Variants in DOCK5 observed in about 807,000 individuals in gnomAD.
DOCK5 encodes the protein dedicator of cytokinesis protein 5.
Under a neutral mutation model 251.8 loss-of-function variants are expected in DOCK5, and 142 were observed. The observed-to-expected ratio is 0.56, with a 90% CI of 0.49 to 0.65. The LOEUF (loss-of-function observed/expected upper bound fraction) is 0.65. DOCK5 is among the 30% of genes least tolerant of loss of function. The pLI is 0.00. For missense variants in DOCK5, 2,111 were observed against 2,312.3 expected, an observed-to-expected ratio of 0.91 and a Z score of 1.79; for synonymous variants, 842 against 835.5, an observed-to-expected ratio of 1.01 and a Z score of -0.13.
intron 18 of DOCK5, among the ~76,000 whole-genome samples, chr8:25,331,230 G>GACACACACACAC (rs60869427): frequency 2.1e-5 from 3 of 140,264 alleles, no homozygotes; most frequent in African/African-American, 5.3e-5. Context: ...GTTTCTCTGT[G>GACACACACACAC]ACACACACAC....
intron 1 of DOCK5, among the ~76,000 whole-genome samples, chr8:25,233,899 A>G (rs1387686374): frequency 6.6e-6 from 1 of 152,188 alleles, no homozygotes; most frequent in African/African-American, 2.4e-5. Context: ...ACACACACCT[A>G]TGTACACATG....
At chr8:25,308,205 A>G (rs939410754) in intron 11 of DOCK5, among the ~76,000 whole-genome samples, 2 of 152,106 alleles carry the variant, frequency 1.3e-5, no homozygotes, top group Admixed American at 1.3e-4. Flanking sequence ...AAGGTCACTC[A>G]AGTGGAGCTT....
At chr8:25,356,514 A>G (rs1800571925) in intron 27 of DOCK5, among the ~76,000 whole-genome samples, 1 of 151,884 alleles carries the variant, frequency 6.6e-6, no homozygotes, top group Admixed American at 6.6e-5. Context: ...AAAATACACA[A>G]AAATTAGCCA....
chr8:25,342,704 T>TTG (rs1192015498), intron 25 of DOCK5, among the ~76,000 whole-genome samples, 197 bp downstream of exon 25: 2 of 121,828 alleles, frequency 1.6e-5, no homozygotes, highest in African/African-American at 6.1e-5. Context: ...TTTTTTTTTT[T>TTG]TTTTTTTTTT....
intron 42 of DOCK5, among the ~76,000 whole-genome samples, chr8:25,390,597 T>G (rs1235707916): frequency 1.3e-5 from 2 of 152,266 alleles, no homozygotes; most frequent in East Asian, 3.9e-4. Flanking sequence ...GGGTTTTGGT[T>G]TTTTTAGGCA....
At chr8:25,330,784 C>T (rs1351535756) in intron 18 of DOCK5, among the ~76,000 whole-genome samples, 1 of 152,142 alleles carries the variant, frequency 6.6e-6, no homozygotes. Flanking sequence ...CAGCCGGGCG[C>T]AGTGGCTCAC....
rs1398579638 is a variant in DOCK5 at position 25,368,239 on chromosome 8, G to A, written c.3272G>A (p.Trp1091Ter). Residue 1091 changes from tryptophan to a stop codon, truncating the protein, a stop_gained, in exon 32 of 52, where the codon TGG becomes TAG. Coordinates refer to ENST00000276440, the MANE Select transcript of DOCK5 (RefSeq NM_024940.8). LOFTEE classifies it high-confidence loss of function. The part of the protein sequence containing the change: ...KEIGFRIRDM[W>*]YNLGPHKIKF... ...ATCGGCTTTAGAATCCGGGACATGTGGTATAACCTGGGTGAGTGTCTAGCC... is the reference window on the plus strand; with the variant it reads ...ATCGGCTTTAGAATCCGGGACATGTAGTATAACCTGGGTGAGTGTCTAGCC... 6.2e-7 allele frequency: 1 copy of A among 1,612,434 alleles called. No individual in the cohort carries two copies. The highest frequency in any genetic ancestry group is 8.5e-7 in the Non-Finnish European group (1 of 1,179,238).
intron 26 of DOCK5, among the ~76,000 whole-genome samples, chr8:25,350,088 T>C (rs1490002890): frequency 6.6e-6 from 1 of 152,170 alleles, no homozygotes; most frequent in Non-Finnish European, 1.5e-5. Context: ...GAGCAAGTTC[T>C]GGGAATCTAA....
intron 45 of DOCK5, among the ~76,000 whole-genome samples, chr8:25,397,889 A>G (rs1273696366): frequency 6.6e-6 from 1 of 152,258 alleles, no homozygotes; most frequent in Non-Finnish European, 1.5e-5. Context: ...ATACTAATGT[A>G]TTCATTTAGT....
At chr8:25,296,190 A>G (rs1326764838) in intron 6 of DOCK5, among the ~76,000 whole-genome samples, 1 of 152,202 alleles carries the variant, frequency 6.6e-6, no homozygotes, top group African/African-American at 2.4e-5. Context: ...GTTCCTCTTC[A>G]TAATAACAGA....
intron 1 of DOCK5, among the ~76,000 whole-genome samples, chr8:25,204,179 T>C (rs2117466745): frequency 6.6e-6 from 1 of 152,352 alleles, no homozygotes; most frequent in Admixed American, 6.5e-5. Flanking sequence ...ATAGACTTCA[T>C]AGAAGTAACT....
intron 13 of DOCK5, 41 bp downstream of exon 13, chr8:25,310,573 T>A: frequency 6.4e-7 from 1 of 1,553,850 alleles, no homozygotes; most frequent in Non-Finnish European, 8.7e-7. Flanking sequence ...TTCCTCCTGT[T>A]CAGCGATTAT....
Position 25,366,590 on chromosome 8 carries a change from G to A in DOCK5, c.3124-280G>A, listed in dbSNP as rs1409452820. On this transcript the variant is annotated intron_variant, in intron 30 of 51. Transcript: ENST00000276440. The stretch of plus-strand genomic sequence containing the variant: ...ACTTTTAGGACTTTTGAAACATAGT[G>A]CCAAAGTACATACTATAAATAGATA... 3.3e-5 allele frequency among the ~76,000 whole-genome samples: 5 copies of A among 152,094 alleles called. No homozygotes were observed. The South Asian group carries it at 8.3e-4, about 25-fold the overall frequency.
intron 50 of DOCK5, 22 bp from the exon 51 acceptor site, chr8:25,410,077 C>T (rs777165414): frequency 1.2e-6 from 2 of 1,600,670 alleles, no homozygotes; most frequent in Non-Finnish European, 1.7e-6. Flanking sequence ...TCTCTGCCGC[C>T]TGCACTTTCT....
rs79332050 is a variant in DOCK5 at position 25,271,037 on chromosome 8, G to T, written c.168+2152G>T. Reference sequence around the variant, plus strand: ...TTTTTTTCTATATTTTTAATCATCAGTTGGTTGAACCCATGATATGGAGGG... The same window carrying T: ...TTTTTTTCTATATTTTTAATCATCATTTGGTTGAACCCATGATATGGAGGG... On this transcript the variant is annotated intron_variant, in intron 3 of 51. Coordinates refer to ENST00000276440, the MANE Select transcript of DOCK5 (RefSeq NM_024940.8). 1,532 of 435,526 alleles carry T rather than the reference G, an allele frequency of 3.5e-3. 22 individuals carry two copies. The highest frequency in any genetic ancestry group is 0.027 in the African/African-American group (1,378 of 50,282). 27.0% of individuals were successfully genotyped at this position (435,526 alleles called of 1,614,324 possible).
At chr8:25,396,763 C>CGTGTGTGTGTGT (rs5890230) in intron 45 of DOCK5, among the ~76,000 whole-genome samples, 6,488 of 147,094 alleles carry the variant, frequency 0.044, 167 homozygotes, top group South Asian at 0.067. Flanking sequence ...CTCTTGTGTC[C>CGTGTGTGTGTGT]GTGTGTGTGT....
chr8:25,361,462 T>G (rs1359147479), intron 28 of DOCK5, among the ~76,000 whole-genome samples: 4 of 151,676 alleles, frequency 2.6e-5, no homozygotes, highest in Non-Finnish European at 5.9e-5. Context: ...ATACAAAAAA[T>G]AATTACCCAG....
In DOCK5 at chr8:25,368,743, G is replaced by A. The variant is rs369080374; in HGVS notation, c.3438+18G>A. 176 of 1,606,954 alleles carry A rather than the reference G, an allele frequency of 1.1e-4. No individual in the cohort carries two copies. The highest frequency in any genetic ancestry group is 8.1e-4 in the Admixed American group (48 of 59,166). Reference sequence around the variant, plus strand: ...TCCATATGGTAAGAAGTGGCAGACCGCGTAATATTAGTAAATGGACATATA... The same window carrying A: ...TCCATATGGTAAGAAGTGGCAGACCACGTAATATTAGTAAATGGACATATA... On this transcript the variant is annotated intron_variant, in intron 33 of 51. Transcript: ENST00000276440.
At chr8:25,401,165 T>C in intron 47 of DOCK5, 99 bp downstream of exon 47, 1 of 1,500,240 alleles carries the variant, frequency 6.7e-7, no homozygotes, top group Non-Finnish European at 9.1e-7. Context: ...TGTAATAACT[T>C]AGCTATGGCA....
Sources: allele counts gnomAD v4.1 joint callset (sites outside exome capture counted in the v4.1 genomes callset), GRCh38; gene constraint gnomAD v4.1.1; transcripts MANE v1.5; gene names NCBI Gene and HGNC (gene_info 2026-07-23, HGNC 2026-07-21).